Variants in LARP4 observed in about 807,000 individuals in gnomAD.
LARP4 encodes La ribonucleoprotein 4, also known as la-related protein 4.
In LARP4, 29 loss-of-function variants were observed where a neutral mutation model predicts 92.9. The observed-to-expected ratio is 0.31, with a 90% CI of 0.23 to 0.43. The LOEUF is 0.43. LARP4 is among the 20% of genes least tolerant of loss of function. The pLI, the probability that LARP4 is intolerant of heterozygous loss-of-function variation, is 1.00. For missense variants in LARP4, 732 were observed against 860.0 expected (o/e 0.85, Z 1.86); for synonymous variants, 279 against 284.1 (o/e 0.98, Z 0.18).
chr12:50,404,981 C>T (rs1422733665), intron 1 of LARP4, among the ~76,000 whole-genome samples: 10 of 152,058 alleles, frequency 6.6e-5, no homozygotes, highest in Non-Finnish European at 1.3e-4. Flanking sequence ...AGCCACCACA[C>T]CTGGCGGGTT....
chr12:50,447,639 G>A (rs774987042), intron 8 of LARP4, among the ~76,000 whole-genome samples: 6 of 151,956 alleles, frequency 3.9e-5, no homozygotes, highest in East Asian at 1.9e-4. Flanking sequence ...TACAGTGTGC[G>A]TGATCATAGC....
rs1228453627 is a variant in LARP4, at chr12:50,477,853, C to A, written c.*1989C>A. On this transcript the variant is annotated 3_prime_UTR_variant, in exon 16 of 16. Coordinates refer to ENST00000398473, the MANE Select transcript of LARP4 (RefSeq NM_052879.5). Reference sequence around the variant, plus strand: ...AAAACATATTAATCATTGACTACATCTATGATAAAAGTGCTTATTTTGGTT... The same window carrying A: ...AAAACATATTAATCATTGACTACATATATGATAAAAGTGCTTATTTTGGTT... The A allele has an allele frequency of 1.3e-5, 2 of 152,434 alleles. No individual in the cohort carries two copies. The highest frequency in any genetic ancestry group is 4.8e-5 in the African/African-American group (2 of 41,428). The allele number at this position is 152,434 out of a possible 1,614,324, so 9.4% of individuals were successfully genotyped here.
intron 1 of LARP4, among the ~76,000 whole-genome samples, chr12:50,406,310 C>A (rs1400974815): frequency 1.3e-5 from 2 of 149,868 alleles, no homozygotes; most frequent in East Asian, 3.9e-4. Context: ...CCCACCCCCA[C>A]CCCCAACCTC....
chr12:50,474,237 A>G, intron 15 of LARP4, 70 bp downstream of exon 15: 1 of 1,189,988 alleles, frequency 8.4e-7, no homozygotes, highest in Non-Finnish European at 1.2e-6. Flanking sequence ...TTTTCACGTA[A>G]CACTTTGTTA....
rs1281177938 is a variant in LARP4 at position 50,479,397 on chromosome 12, T to A, written c.*3533T>A. On this transcript the variant is annotated 3_prime_UTR_variant, in exon 16 of 16. Coordinates refer to ENST00000398473, the MANE Select transcript of LARP4 (RefSeq NM_052879.5). ...ATGGATTTTTTCCTAATTTTTTATATTTCCTTACAATTTTGGTGGCCATTA... is the reference window on the plus strand; with the variant it reads ...ATGGATTTTTTCCTAATTTTTTATAATTCCTTACAATTTTGGTGGCCATTA... The A allele has an allele frequency of 1.3e-5, 2 of 152,310 alleles. No homozygotes were observed. The highest frequency in any genetic ancestry group is 4.8e-5 in the African/African-American group (2 of 41,570). 9.4% of individuals were successfully genotyped at this position (152,310 alleles called of 1,614,324 possible).
intron 13 of LARP4, among the ~76,000 whole-genome samples, chr12:50,471,297 G>A (rs1252714851): frequency 6.6e-6 from 1 of 152,152 alleles, no homozygotes; most frequent in Non-Finnish European, 1.5e-5. Flanking sequence ...AAATGGAATT[G>A]TACAGTATGT....
chr12:50,462,321 A>G (rs920300112), intron 11 of LARP4, among the ~76,000 whole-genome samples: 1 of 152,104 alleles, frequency 6.6e-6, no homozygotes, highest in African/African-American at 2.4e-5. Flanking sequence ...CTGTACTACA[A>G]ATACCAAAAT....
At chr12:50,439,019 C>T (rs896788038) in intron 6 of LARP4, among the ~76,000 whole-genome samples, 1 of 152,216 alleles carries the variant, frequency 6.6e-6, no homozygotes, top group Non-Finnish European at 1.5e-5. Context: ...CTTACTGTAG[C>T]CTTGACCTCA....
chr12:50,417,860 A>AT (rs909516638), intron 1 of LARP4, among the ~76,000 whole-genome samples: 6 of 149,812 alleles, frequency 4.0e-5, no homozygotes, highest in South Asian at 4.3e-4. Context: ...TGCCTGGCTC[A>AT]TTTTTTTTTC....
intron 1 of LARP4, among the ~76,000 whole-genome samples, chr12:50,416,811 T>G (rs545393954): frequency 6.6e-6 from 1 of 151,802 alleles, no homozygotes; most frequent in Admixed American, 6.6e-5. Flanking sequence ...ATCCTGTCTC[T>G]ACAAAAAGTG....
chr12:50,429,786 G>A (rs1252880648), intron 3 of LARP4, among the ~76,000 whole-genome samples: 4 of 152,100 alleles, frequency 2.6e-5, no homozygotes, highest in Admixed American at 2.0e-4. Context: ...TTACAGGCAC[G>A]CGCCACCACA....
intron 13 of LARP4, among the ~76,000 whole-genome samples, chr12:50,471,851 CAT>C (rs1183770868): frequency 5.9e-5 from 9 of 152,164 alleles, no homozygotes; most frequent in African/African-American, 1.4e-4. Context: ...GAAACAGACT[CAT>C]ATATTTTTTT....
intron 1 of LARP4, chr12:50,402,919 T>G (rs1944145036): frequency 1.0e-5 from 4 of 401,852 alleles, no homozygotes; most frequent in South Asian, 7.1e-5. Context: ...TTTTCTCATA[T>G]GAGTTTTATT....
intron 15 of LARP4, 129 bp from the exon 16 acceptor site, chr12:50,475,397 T>C (rs1957436314): frequency 1.4e-6 from 1 of 712,080 alleles, no homozygotes; most frequent in Non-Finnish European, 2.4e-6. Context: ...AAGCAGTATA[T>C]ATGAGAGTGC....
At chr12:50,422,124 C>T (rs147442606) in intron 1 of LARP4, among the ~76,000 whole-genome samples, 1 of 152,050 alleles carries the variant, frequency 6.6e-6, no homozygotes, top group Non-Finnish European at 1.5e-5. Context: ...CATCCACCCC[C>T]ACGACTGGCT....
At chr12:50,410,610 TAGTC>T (rs1014382715) in intron 1 of LARP4, among the ~76,000 whole-genome samples, 101 of 151,568 alleles carry the variant, frequency 6.7e-4, no homozygotes, top group African/African-American at 2.4e-3. Context: ...TTCATCGTGT[TAGTC>T]AGGATGGTCT....
chr12:50,415,687 C>CTTTTT (rs201269288), intron 1 of LARP4: 3 of 134,852 alleles, frequency 2.2e-5, no homozygotes, highest in Non-Finnish European at 3.3e-5. Flanking sequence ...TTCCCAGCTT[C>CTTTTT]TTTTTTTTGT....
In LARP4 at chr12:50,476,441, A is replaced by G. The variant is rs1957536702; in HGVS notation, c.*577A>G. ...AGCCAAATCTGTTGTCATGTTAGTA[A>G]ATGATTTGAAAACTGAATGTAATAC... On this transcript the variant is annotated 3_prime_UTR_variant, in exon 16 of 16. Transcript: ENST00000398473. 1 of 152,556 alleles carries G rather than the reference A, an allele frequency of 6.6e-6. No homozygotes were observed. The highest frequency in any genetic ancestry group is 2.1e-4 in the South Asian group (1 of 4,826). The allele number at this position is 152,556 out of a possible 1,614,324, so 9.5% of individuals were successfully genotyped here.
intron 10 of LARP4, among the ~76,000 whole-genome samples, chr12:50,455,974 C>T (rs1954155766): frequency 6.6e-6 from 1 of 152,106 alleles, no homozygotes; most frequent in South Asian, 2.1e-4. Context: ...ATTGCTTGAG[C>T]CTGAGAAGCA....
Sources: allele counts gnomAD v4.1 joint callset (sites outside exome capture counted in the v4.1 genomes callset), GRCh38; gene constraint gnomAD v4.1.1; transcripts MANE v1.5; gene names NCBI Gene and HGNC (gene_info 2026-07-23, HGNC 2026-07-21).